Variants in CTNNA2 observed in about 807,000 individuals in gnomAD.
The protein encoded by CTNNA2 is catenin alpha 2.
A neutral mutation model predicts 101.0 loss-of-function variants in CTNNA2; 42 were observed. The ratio of observed to expected loss-of-function variants is 0.42; its 90% CI spans 0.32 to 0.54. The LOEUF is 0.54. Ranked by LOEUF, CTNNA2 falls within the 20% of genes least tolerant of loss-of-function variation. The pLI, the probability that CTNNA2 is intolerant of heterozygous loss-of-function variation, is 0.14. For synonymous variants in CTNNA2, 450 were observed against 456.4 expected, an observed-to-expected ratio of 0.99 and a Z score of 0.18; for missense variants, 871 against 1,223.1, an observed-to-expected ratio of 0.71 and a Z score of 4.29.
chr2:79,326,928 G>T (rs1010814181), intron 3 of CTNNA2, among the ~76,000 whole-genome samples: 6 of 152,302 alleles, frequency 3.9e-5, no homozygotes, highest in South Asian at 4.1e-4. Flanking sequence ...TGGTCTCCTA[G>T]AGGAGAAGAG....
chr2:80,421,285 C>G (rs1680506480), intron 9 of CTNNA2, among the ~76,000 whole-genome samples: 1 of 152,184 alleles, frequency 6.6e-6, no homozygotes, highest in Admixed American at 6.5e-5. Flanking sequence ...GCAGAGTTTA[C>G]TGAAAATATT....
At chr2:80,275,469 T>C (rs571709645) in intron 7 of CTNNA2, among the ~76,000 whole-genome samples, 2 of 152,340 alleles carry the variant, frequency 1.3e-5, no homozygotes, top group East Asian at 1.9e-4. Flanking sequence ...GATTGAATGA[T>C]GATTTTTTTA....
At chr2:79,827,035 AT>A (rs201032504) in intron 3 of CTNNA2, among the ~76,000 whole-genome samples, 3 of 151,408 alleles carry the variant, frequency 2.0e-5, no homozygotes, top group African/African-American at 4.9e-5. Flanking sequence ...TTAGACTGTA[AT>A]TTTTTTTTGT....
chr2:80,478,150 T>C (rs943060823), intron 9 of CTNNA2, among the ~76,000 whole-genome samples: 8 of 152,142 alleles, frequency 5.3e-5, no homozygotes, highest in Non-Finnish European at 8.8e-5. Context: ...ATTAGTGACA[T>C]TGAGCATTTT....
At chr2:79,495,273 T>C (rs984693881) in intron 4 of CTNNA2, among the ~76,000 whole-genome samples, 11 of 152,282 alleles carry the variant, frequency 7.2e-5, no homozygotes, top group African/African-American at 2.4e-4. Context: ...ACCTCAATAA[T>C]ATAAATTTGA....
At chr2:80,060,388 C>T (rs1196316108) in intron 7 of CTNNA2, among the ~76,000 whole-genome samples, 2 of 152,174 alleles carry the variant, frequency 1.3e-5, no homozygotes, top group South Asian at 2.1e-4. Context: ...ATCTCTAAGC[C>T]TCCCAGCCCA....
intron 7 of CTNNA2, chr2:80,288,913 T>G (rs1193274221): frequency 6.6e-6 from 1 of 152,218 alleles, no homozygotes; most frequent in East Asian, 1.9e-4. Context: ...TTGCTGCAGT[T>G]CAGTGCTGCT....
At chr2:79,422,157 A>G (rs960799080) in intron 4 of CTNNA2, among the ~76,000 whole-genome samples, 5 of 152,028 alleles carry the variant, frequency 3.3e-5, no homozygotes, top group Admixed American at 3.3e-4. Flanking sequence ...TGTCTCAAAA[A>G]CAAACAAACA....
At chr2:79,323,401 C>T (rs1164442834) in intron 3 of CTNNA2, among the ~76,000 whole-genome samples, 1 of 152,090 alleles carries the variant, frequency 6.6e-6, no homozygotes, top group African/African-American at 2.4e-5. Context: ...ACGTAACTTG[C>T]ACAAGGTTAT....
chr2:80,113,084 T>A (rs889825487), intron 7 of CTNNA2, among the ~76,000 whole-genome samples: 1 of 152,160 alleles, frequency 6.6e-6, no homozygotes, highest in Non-Finnish European at 1.5e-5. Flanking sequence ...GGGAGCCTCT[T>A]CAGGCATATT....
chr2:79,849,357 A>T (rs568904756), intron 3 of CTNNA2, among the ~76,000 whole-genome samples: 2 of 150,940 alleles, frequency 1.3e-5, no homozygotes, highest in Admixed American at 6.6e-5. Flanking sequence ...GCCAAATATT[A>T]TCTTGTTTTT....
At chr2:79,632,259 A>G (rs77339763) in intron 1 of CTNNA2, among the ~76,000 whole-genome samples, 6,109 of 152,286 alleles carry the variant, frequency 0.04, 391 homozygotes, top group African/African-American at 0.14. Flanking sequence ...AATTGAAAGT[A>G]AAAAGCACTT....
intron 1 of CTNNA2, among the ~76,000 whole-genome samples, chr2:79,558,717 G>A (rs554873552): frequency 1.3e-5 from 2 of 152,036 alleles, no homozygotes; most frequent in Non-Finnish European, 2.9e-5. Flanking sequence ...CCCTTTTAAA[G>A]TAAGTATGAG....
chr2:80,148,408 T>A (rs1016289065), intron 7 of CTNNA2, among the ~76,000 whole-genome samples: 2 of 152,230 alleles, frequency 1.3e-5, no homozygotes, highest in African/African-American at 4.8e-5. Flanking sequence ...AAAGGCTAAA[T>A]GATCACTGAT....
chr2:80,089,136 C>A (rs377417226), intron 7 of CTNNA2, among the ~76,000 whole-genome samples: 11 of 152,076 alleles, frequency 7.2e-5, no homozygotes, highest in Non-Finnish European at 1.0e-4. Flanking sequence ...CTACTTCCCC[C>A]TCCTTAGCTG....
At chr2:80,150,753 C>T (rs769658679) in intron 7 of CTNNA2, among the ~76,000 whole-genome samples, 2 of 152,150 alleles carry the variant, frequency 1.3e-5, no homozygotes, top group Non-Finnish European at 2.9e-5. Context: ...AATGCTAGAA[C>T]AAAAACTTCA....
intron 3 of CTNNA2, among the ~76,000 whole-genome samples, chr2:79,758,211 TCTAAAAG>T (rs1487030529): frequency 6.6e-6 from 1 of 152,148 alleles, no homozygotes; most frequent in East Asian, 1.9e-4. Flanking sequence ...GCATTTTCTC[TCTAAAAG>T]CTAGGTCTGT....
At chr2:79,996,925 T>C (rs919660834) in intron 7 of CTNNA2, among the ~76,000 whole-genome samples, 1 of 152,124 alleles carries the variant, frequency 6.6e-6, no homozygotes, top group Non-Finnish European at 1.5e-5. Context: ...TCAGTTGGCT[T>C]GCTCAGAGAT....
chr2:79,917,942 A>G (rs752631394), intron 7 of CTNNA2, among the ~76,000 whole-genome samples: 15 of 152,208 alleles, frequency 9.9e-5, no homozygotes, highest in Non-Finnish European at 1.5e-4. Flanking sequence ...TATGGAACAC[A>G]GATGTAGGTA....
Sources: gnomAD v4.1 joint callset for allele counts (sites outside exome capture counted in the v4.1 genomes callset) on GRCh38, gnomAD v4.1.1 for gene constraint, MANE v1.5 for transcripts, NCBI Gene and HGNC (gene_info 2026-07-23, HGNC 2026-07-21) for gene names.